HS3ST4: variants seen among roughly 807,000 people sequenced by gnomAD.
HS3ST4 encodes the protein heparan sulfate-glucosamine 3-sulfotransferase 4.
Under a neutral mutation model 29.2 loss-of-function variants are expected in HS3ST4, and 17 were observed. The ratio of observed to expected loss-of-function variants is 0.58; its 90% CI spans 0.40 to 0.87. HS3ST4 has a LOEUF of 0.87. Among genes scored for constraint, HS3ST4 ranks in the 40% least tolerant of loss-of-function variants. The pLI, the probability that HS3ST4 is intolerant of heterozygous loss-of-function variation, is 0.00. For missense variants in HS3ST4, 627 were observed against 634.5 expected (o/e 0.99, Z 0.13); for synonymous variants, 314 against 285.7 (o/e 1.10, Z -1.00).
intron 1 of HS3ST4, among the ~76,000 whole-genome samples, chr16:26,105,568 A>G (rs979060266): frequency 2.0e-5 from 3 of 152,236 alleles, no homozygotes; most frequent in African/African-American, 4.8e-5. Flanking sequence ...CGTGGAATCC[A>G]GGCAGTGGCT....
intron 1 of HS3ST4, among the ~76,000 whole-genome samples, chr16:26,083,273 G>A (rs543857666): frequency 2.0e-5 from 3 of 152,336 alleles, no homozygotes; most frequent in East Asian, 3.9e-4. Context: ...TAGGCACAGT[G>A]CATTGCAATC....
At chr16:25,983,896 GTC>G (rs1230889911) in intron 1 of HS3ST4, among the ~76,000 whole-genome samples, 12 of 19,278 alleles carry the variant, frequency 6.2e-4, no homozygotes, top group East Asian at 5.6e-3. Flanking sequence ...CTTTTCTTGT[GTC>G]TGTGTTTGTG....
chr16:25,764,417 C>G (rs1165892752), intron 1 of HS3ST4, among the ~76,000 whole-genome samples: 1 of 152,150 alleles, frequency 6.6e-6, no homozygotes, highest in Non-Finnish European at 1.5e-5. Flanking sequence ...CACATACAGC[C>G]AGGACATATC....
At chr16:25,769,642 C>G (rs1054278017) in intron 1 of HS3ST4, among the ~76,000 whole-genome samples, 1 of 152,156 alleles carries the variant, frequency 6.6e-6, no homozygotes, top group Non-Finnish European at 1.5e-5. Context: ...GAAAAGGAAG[C>G]CTTGACTTTC....
intron 1 of HS3ST4, among the ~76,000 whole-genome samples, chr16:25,996,477 T>C (rs1156697669): frequency 6.6e-6 from 1 of 152,194 alleles, no homozygotes; most frequent in Non-Finnish European, 1.5e-5. Flanking sequence ...GTTAATGGAC[T>C]CCATTTTATT....
chr16:26,007,705 A>G (rs72778345), intron 1 of HS3ST4, among the ~76,000 whole-genome samples: 1 of 152,018 alleles, frequency 6.6e-6, no homozygotes, highest in Admixed American at 6.5e-5. Flanking sequence ...GCCTTCACTC[A>G]TCAGATGCCG....
intron 1 of HS3ST4, among the ~76,000 whole-genome samples, chr16:25,882,145 G>A (rs1967901286): frequency 6.6e-6 from 1 of 152,184 alleles, no homozygotes; most frequent in Non-Finnish European, 1.5e-5. Flanking sequence ...AGTGATGAGT[G>A]CCTTCTCTTT....
chr16:25,873,416 A>T (rs368433829), intron 1 of HS3ST4, among the ~76,000 whole-genome samples: 1 of 132,294 alleles, frequency 7.6e-6, no homozygotes, highest in African/African-American at 2.9e-5. Flanking sequence ...CCATCCATCC[A>T]CCCATCCATC....
chr16:25,794,394 A>G (rs763288382), intron 1 of HS3ST4, among the ~76,000 whole-genome samples: 17 of 151,530 alleles, frequency 1.1e-4, no homozygotes, highest in Non-Finnish European at 1.3e-4. Context: ...AGAATTCTCT[A>G]CAGTATTTCC....
chr16:25,987,313 C>T (rs1390843338), intron 1 of HS3ST4, among the ~76,000 whole-genome samples: 1 of 150,816 alleles, frequency 6.6e-6, no homozygotes, highest in Non-Finnish European at 1.5e-5. Context: ...CACGCCATTG[C>T]AGTCCAGCCT....
chr16:25,829,084 A>G (rs1010195100), intron 1 of HS3ST4, among the ~76,000 whole-genome samples: 1 of 152,230 alleles, frequency 6.6e-6, no homozygotes, highest in Admixed American at 6.5e-5. Context: ...CCAAGGGCAA[A>G]TGGGGAATAC....
At chr16:25,964,851 T>C (rs1348137529) in intron 1 of HS3ST4, among the ~76,000 whole-genome samples, 2 of 152,218 alleles carry the variant, frequency 1.3e-5, no homozygotes, top group Admixed American at 6.5e-5. Flanking sequence ...ATTATCTTGG[T>C]GATATAATGA....
chr16:25,703,362 G>A (rs1253101376), intron 1 of HS3ST4, among the ~76,000 whole-genome samples: 1 of 152,136 alleles, frequency 6.6e-6, no homozygotes, highest in Non-Finnish European at 1.5e-5. Flanking sequence ...ATTGTATCAC[G>A]TGTGCCAGGC....
chr16:26,024,687 G>A (rs529840900), intron 1 of HS3ST4, among the ~76,000 whole-genome samples: 76 of 152,054 alleles, frequency 5.0e-4, no homozygotes, highest in Non-Finnish European at 9.1e-4. Flanking sequence ...AGCCAAGATC[G>A]TGCCACTGCC....
chr16:25,715,891 G>C (rs1288458230), intron 1 of HS3ST4, among the ~76,000 whole-genome samples: 1 of 152,188 alleles, frequency 6.6e-6, no homozygotes, highest in African/African-American at 2.4e-5. Context: ...TCAGCACCTT[G>C]TATATATCCA....
chr16:25,975,983 A>G (rs894201051), intron 1 of HS3ST4, among the ~76,000 whole-genome samples: 3 of 152,200 alleles, frequency 2.0e-5, no homozygotes, highest in Non-Finnish European at 2.9e-5. Flanking sequence ...TTTATCTAAG[A>G]TGGATCCTTA....
At chr16:26,006,405 G>A (rs1278654348) in intron 1 of HS3ST4, among the ~76,000 whole-genome samples, 1 of 151,302 alleles carries the variant, frequency 6.6e-6, no homozygotes, top group African/African-American at 2.4e-5. Flanking sequence ...TTTAAGGTGA[G>A]AGTGTAAACT....
chr16:25,698,988 C>T (rs1966317350), intron 1 of HS3ST4, among the ~76,000 whole-genome samples: 2 of 152,134 alleles, frequency 1.3e-5, no homozygotes, highest in Admixed American at 6.6e-5. Context: ...ATGAGATCTT[C>T]CACTGTGTAA....
chr16:26,121,943 T>C (rs1262150943), intron 1 of HS3ST4, among the ~76,000 whole-genome samples: 1 of 152,136 alleles, frequency 6.6e-6, no homozygotes. Context: ...TTCCATAATC[T>C]TGTTATTTCA....
Sources: gnomAD v4.1 joint callset for allele counts (sites outside exome capture counted in the v4.1 genomes callset) on GRCh38, gnomAD v4.1.1 for gene constraint, MANE v1.5 for transcripts, NCBI Gene and HGNC (gene_info 2026-07-23, HGNC 2026-07-21) for gene names.